DDOST: variants seen among roughly 807,000 people sequenced by gnomAD.
DDOST encodes dolichyl-diphosphooligosaccharide--protein glycosyltransferase non-catalytic subunit.
DDOST carries 25 observed loss-of-function variants against 47.6 expected under a neutral mutation model. That is an observed-to-expected ratio of 0.53 (90% CI 0.38 to 0.73). DDOST has a LOEUF of 0.73. Among genes scored for constraint, DDOST ranks in the 30% least tolerant of loss-of-function variants. The pLI is 0.00. For synonymous variants in DDOST, 275 were observed against 236.0 expected, an observed-to-expected ratio of 1.17 and a Z score of -1.51; for missense variants, 526 against 573.9, an observed-to-expected ratio of 0.92 and a Z score of 0.85.
In DDOST at chr1:20,660,906, G is replaced by A; in HGVS notation, c.240C>T (p.Leu80=). 1 of 1,611,570 alleles carries A rather than the reference G, an allele frequency of 6.2e-7. No homozygotes were observed. The highest frequency in any genetic ancestry group is 8.5e-7 in the Non-Finnish European group (1 of 1,177,716). ...IKYGEFLYDN[L]IIFSPSVEDF... ...CTTCTACCGAAGGGGAGAAAATGAT[G>A]AGATTGTCATAGAGGAATTCCCCAT... is the stretch of plus-strand genomic sequence containing the variant. Residue 80 remains leucine (L), a synonymous_variant, in exon 2 of 11, where the codon CTC becomes CTT. Coordinates refer to ENST00000602624, the MANE Select transcript of DDOST (RefSeq NM_005216.5).
intron 7 of DDOST, 39 bp from the exon 8 acceptor site, chr1:20,653,813 C>T (rs368454277): frequency 8.5e-5 from 136 of 1,597,644 alleles, no homozygotes; most frequent in Non-Finnish European, 1.0e-4. Context: ...GCACCAGAGC[C>T]ACCTTTCCAG....
At chr1:20,657,069 A>C (rs1274352580) in intron 2 of DDOST, among the ~76,000 whole-genome samples, 1 of 152,228 alleles carries the variant, frequency 6.6e-6, no homozygotes, top group African/African-American at 2.4e-5. Flanking sequence ...AAGACCTGCA[A>C]GTGGCATCTG....
intron 4 of DDOST, 27 bp downstream of exon 4, chr1:20,655,649 A>T (rs1467346847): frequency 1.9e-6 from 3 of 1,603,550 alleles, no homozygotes; most frequent in African/African-American, 2.7e-5. Context: ...ATGCCCCTGA[A>T]ACCTGGAAGG....
At chr1:20,655,800 C>T in intron 3 of DDOST, 21 bp from the exon 4 acceptor site, 1 of 1,603,140 alleles carries the variant, frequency 6.2e-7, no homozygotes, top group Non-Finnish European at 8.5e-7. Flanking sequence ...CGAAGAGACA[C>T]CTAGCTGAGC....
Position 20,652,473 on chromosome 1 carries a change from T to G in DDOST, c.1226A>C (p.Tyr409Ser), listed in dbSNP as rs749823019. 16 of 1,613,494 alleles carry G rather than the reference T, an allele frequency of 9.9e-6. No homozygotes were observed. The highest frequency in any genetic ancestry group is 2.7e-5 in the African/African-American group (2 of 74,776). Residue 409 changes from tyrosine (Y) to serine (S), a missense_variant, in exon 11 of 11, where the codon TAC becomes TCC. Tyr to Ser is a moderately radical substitution (Grantham distance 144, BLOSUM62 -2). Coordinates refer to ENST00000602624, the MANE Select transcript of DDOST (RefSeq NM_005216.5). Reference sequence around the variant, plus strand: ...GGAGAAGGCGCTGGCGTAGTAGGGGTAGGCCGAGGGGATGAAGCGCTCATA... The same window carrying G: ...GGAGAAGGCGCTGGCGTAGTAGGGGGAGGCCGAGGGGATGAAGCGCTCATA... ...TQYERFIPSA[Y>S]PYYASAFSMM...
rs1023554318 is a variant in DDOST, at chr1:20,659,391, G to A, written c.265+1490C>T. On this transcript the variant is annotated intron_variant, in intron 2 of 10. Transcript: ENST00000602624. The stretch of plus-strand genomic sequence containing the variant: ...TCCTTCTGACCTATACAAGCTGACA[G>A]TGCCTCCGCTTCATCTTACATCCTG... Among the ~76,000 whole-genome samples the A allele has an allele frequency of 7.9e-5, 12 of 152,184 alleles. No homozygotes were observed. The South Asian group carries it at 2.3e-3, about 29-fold the overall frequency.
intron 2 of DDOST, among the ~76,000 whole-genome samples, chr1:20,659,549 C>T (rs2053413667): frequency 6.6e-6 from 1 of 152,174 alleles, no homozygotes; most frequent in African/African-American, 2.4e-5. Flanking sequence ...AAGTTTCAAA[C>T]ACAGCAAAAA....
At chr1:20,661,113 G>A in intron 1 of DDOST, 84 bp downstream of exon 1, 1 of 1,517,866 alleles carries the variant, frequency 6.6e-7, no homozygotes, top group Non-Finnish European at 9.0e-7. Context: ...CCAGGAAAGG[G>A]AGAGGGAAGG....
At position 20,658,305 on chromosome 1, in the gene DDOST, C is replaced by T. The variant is rs2053397289; in HGVS notation, c.266-2118G>A. Among the ~76,000 whole-genome samples, 5 of 152,248 alleles carry T rather than the reference C, an allele frequency of 3.3e-5. No individual in the cohort carries two copies. The South Asian group carries it at 1.0e-3, about 31-fold the overall frequency. ...GGCAAAGAAGCCACTGGGGCACAGACAGGGAAGCCAGGCCAGCACTCACTC... is the reference window on the plus strand; with the variant it reads ...GGCAAAGAAGCCACTGGGGCACAGATAGGGAAGCCAGGCCAGCACTCACTC... On this transcript the variant is annotated intron_variant, in intron 2 of 10. Transcript: ENST00000602624.
At chr1:20,656,306 T>G in intron 2 of DDOST, 119 bp from the exon 3 acceptor site, 1 of 727,570 alleles carries the variant, frequency 1.4e-6, no homozygotes, top group Non-Finnish European at 2.4e-6. Context: ...CAGCACCCTC[T>G]GGGGGCCACA....
At position 20,660,888 on chromosome 1, in the gene DDOST, C is replaced by G. The variant is rs1472446445; in HGVS notation, c.258G>C (p.Ser86=). The G allele has an allele frequency of 6.3e-7, 1 of 1,589,360 alleles. No homozygotes were observed. Among genetic ancestry groups the G allele is most frequent in the Non-Finnish European group, 8.6e-7 (1 of 1,157,634 alleles). The change falls in exon 2 of 11, where the codon TCG becomes TCC. Residue 86 remains serine, a synonymous_variant. Coordinates refer to ENST00000602624, the MANE Select transcript of DDOST (RefSeq NM_005216.5). Reference sequence around the variant, plus strand: ...GCGACGCGGAACCCTTACCTTCTACCGAAGGGGAGAAAATGATGAGATTGT... The same window carrying G: ...GCGACGCGGAACCCTTACCTTCTACGGAAGGGGAGAAAATGATGAGATTGT... ...LYDNLIIFSP[S]VEDFGGNINV...
At chr1:20,658,193 G>T (rs894512869) in intron 2 of DDOST, among the ~76,000 whole-genome samples, 1 of 152,176 alleles carries the variant, frequency 6.6e-6, no homozygotes, top group African/African-American at 2.4e-5. Context: ...CAGGGATCCG[G>T]TTTTTCCCGG....
In DDOST at chr1:20,658,279, G is replaced by C. The variant is rs541464834; in HGVS notation, c.266-2092C>G. Reference sequence around the variant, plus strand: ...GACCTGGGAGCCTTCCGATGCCAGAGGGCAAAGAAGCCACTGGGGCACAGA... The same window carrying C: ...GACCTGGGAGCCTTCCGATGCCAGACGGCAAAGAAGCCACTGGGGCACAGA... On this transcript the variant is annotated intron_variant, in intron 2 of 10. Coordinates refer to ENST00000602624, the MANE Select transcript of DDOST (RefSeq NM_005216.5). 3.8e-3 allele frequency among the ~76,000 whole-genome samples: 575 copies of C among 152,342 alleles called. 1 individual carries two copies. Among genetic ancestry groups the C allele is most frequent in the Non-Finnish European group, 4.6e-3 (314 of 68,022 alleles).
intron 8 of DDOST, 61 bp downstream of exon 8, chr1:20,653,566 T>C: frequency 6.7e-7 from 1 of 1,493,342 alleles, no homozygotes; most frequent in Middle Eastern, 1.8e-4. Flanking sequence ...TAAGTGCTTC[T>C]GAGCTGAGCT....
chr1:20,654,201 C>T, intron 7 of DDOST, 22 bp downstream of exon 7: 1 of 1,549,958 alleles, frequency 6.5e-7, no homozygotes, highest in Non-Finnish European at 8.7e-7. Flanking sequence ...GATCCCCGGC[C>T]CCTAAGCCTC....
In DDOST at chr1:20,657,944, G is replaced by A. The variant is rs1475464354; in HGVS notation, c.266-1757C>T. On this transcript the variant is annotated intron_variant, in intron 2 of 10. Coordinates refer to ENST00000602624, the MANE Select transcript of DDOST (RefSeq NM_005216.5). ...GAGCAATGTCTGGAGACATTTCTTC[G>A]CCGTCACATAACAGGGAAGTGGCCA... Among the ~76,000 whole-genome samples the A allele has an allele frequency of 2.6e-5, 4 of 151,790 alleles. No individual in the cohort carries two copies. In the South Asian group the frequency reaches 8.4e-4, roughly 32 times the overall value.
At chr1:20,654,857 ACTTGTT>A in intron 5 of DDOST, 150 bp from the exon 6 acceptor site, 1 of 617,646 alleles carries the variant, frequency 1.6e-6, no homozygotes, top group Non-Finnish European at 2.8e-6. Flanking sequence ...ATGGAGTCTG[ACTTGTT>A]TTTGTTTTTG....
intron 2 of DDOST, among the ~76,000 whole-genome samples, chr1:20,660,142 A>G (rs1290005947): frequency 6.6e-6 from 1 of 152,242 alleles, no homozygotes. Context: ...ACAACCGAAT[A>G]AGCTGTGATT....
chr1:20,657,559 G>GA (rs2053388787), intron 2 of DDOST, among the ~76,000 whole-genome samples: 1 of 152,274 alleles, frequency 6.6e-6, no homozygotes, highest in Non-Finnish European at 1.5e-5. Context: ...AGGGGCATTA[G>GA]AAAAGCTCCA....
Sources: allele counts gnomAD v4.1 joint callset (sites outside exome capture counted in the v4.1 genomes callset), GRCh38; gene constraint gnomAD v4.1.1; transcripts MANE v1.5; gene names NCBI Gene and HGNC (gene_info 2026-07-23, HGNC 2026-07-21).